Variants in MYOM1 observed in about 807,000 individuals in gnomAD.
The protein encoded by MYOM1 is myomesin-1.
In MYOM1, 164 loss-of-function variants were observed where a neutral mutation model predicts 205.3. The observed-to-expected ratio is 0.80, with a 90% confidence interval of 0.70 to 0.91. The LOEUF (loss-of-function observed/expected upper bound fraction) is 0.91, where lower values mean the gene tolerates loss of function less well. MYOM1 is among the 40% of genes least tolerant of loss of function. MYOM1 has a pLI of 0.00. For missense variants in MYOM1, 2,011 were observed against 2,127.3 expected (o/e 0.95, Z 1.08); for synonymous variants, 772 against 789.4 (o/e 0.98, Z 0.37).
rs2080241479 is a variant in MYOM1 at position 3,152,877 on chromosome 18, T to C, written c.1644-984A>G. Among the ~76,000 whole-genome samples, 1 of 152,148 alleles carries C rather than the reference T, an allele frequency of 6.6e-6. No homozygotes were observed. Among genetic ancestry groups the C allele is most frequent in the Admixed American group, 6.5e-5 (1 of 15,280 alleles). On this transcript the variant is annotated intron_variant, in intron 11 of 37. Coordinates refer to ENST00000356443, the MANE Select transcript of MYOM1 (RefSeq NM_003803.4). This position sits in a 1 kb window ranked among gnomAD's most constrained non-coding sequence, Gnocchi z 4.3. ...ACCTTCCTCTCTTTGATATGGACAA[T>C]AGACAATTTCCTTATGTAAAGTGGA...
chr18:3,219,404 T>C lies in MYOM1; in HGVS notation c.-29+399A>G, dbSNP rs865831888. Among the ~76,000 whole-genome samples the C allele has an allele frequency of 3.6e-4, 55 of 152,198 alleles. No homozygotes were observed. Among genetic ancestry groups the C allele is most frequent in the African/African-American group, 1.3e-3 (52 of 41,450 alleles). On this transcript the variant is annotated intron_variant, in intron 1 of 37. Transcript: ENST00000356443. This position sits in a 1 kb window ranked among gnomAD's most constrained non-coding sequence, Gnocchi z 4.4. ...GTTAATTTTCCTTCTTTCGGTCTAA[T>C]TTGTAACCAGGGAGCATTGTATGGC...
chr18:3,185,534 A>AT (rs954943509), intron 5 of MYOM1, among the ~76,000 whole-genome samples: 19 of 150,556 alleles, frequency 1.3e-4, no homozygotes, highest in South Asian at 1.1e-3. Flanking sequence ...AAAGTTTGGA[A>AT]TTTTTTTTTT....
chr18:3,214,714 T>C (rs1567972245), intron 2 of MYOM1, among the ~76,000 whole-genome samples: 1 of 151,960 alleles, frequency 6.6e-6, no homozygotes, highest in Non-Finnish European at 1.5e-5. Flanking sequence ...TCCCAGCTAC[T>C]CGGGAGGCGG....
intron 5 of MYOM1, among the ~76,000 whole-genome samples, chr18:3,183,857 C>A (rs1174181325): frequency 6.6e-6 from 1 of 152,010 alleles, no homozygotes; most frequent in Middle Eastern, 3.4e-3. Context: ...ATGCTCTGTA[C>A]CAGTGGTGCA....
intron 4 of MYOM1, 48 bp downstream of exon 4, chr18:3,188,700 G>A: frequency 1.4e-6 from 2 of 1,436,852 alleles, no homozygotes; most frequent in Non-Finnish European, 9.3e-7. Flanking sequence ...CACCCCTTAT[G>A]ACATGCATTT....
chr18:3,210,199 G>A (rs1243119033), intron 2 of MYOM1, among the ~76,000 whole-genome samples: 1 of 152,216 alleles, frequency 6.6e-6, no homozygotes, highest in East Asian at 1.9e-4. Flanking sequence ...CATTTTGAAA[G>A]GATATTGGGG....
chr18:3,172,090 A>C (rs2080565956), intron 8 of MYOM1, among the ~76,000 whole-genome samples: 1 of 152,230 alleles, frequency 6.6e-6, no homozygotes, highest in African/African-American at 2.4e-5. Context: ...TGTATAAAAA[A>C]GTCTTAGTAC....
At chr18:3,181,858 T>C (rs930219979) in intron 5 of MYOM1, among the ~76,000 whole-genome samples, 19 of 151,152 alleles carry the variant, frequency 1.3e-4, no homozygotes, top group Admixed American at 1.2e-3. Flanking sequence ...CTCAGCCTCC[T>C]GTGTAGCTGG....
intron 22 of MYOM1, 117 bp downstream of exon 22, chr18:3,112,181 T>C (rs1400380300): frequency 2.9e-5 from 22 of 761,334 alleles, no homozygotes; most frequent in Non-Finnish European, 4.3e-5. Context: ...TTATCAATTA[T>C]ATTCAGATAG....
chr18:3,089,294 T>A, intron 28 of MYOM1, 53 bp from the exon 29 acceptor site: 1 of 1,409,770 alleles, frequency 7.1e-7, no homozygotes, highest in Non-Finnish European at 1.0e-6. Context: ...AAATGCAAAA[T>A]CAAAGCTCAC....
chr18:3,158,789 T>G (rs1598732178), intron 10 of MYOM1, among the ~76,000 whole-genome samples: 2 of 152,076 alleles, frequency 1.3e-5, no homozygotes, highest in African/African-American at 4.8e-5. Context: ...AATTTTTTTA[T>G]TTTTTGTAGA....
the MYOM1 span, among the ~76,000 whole-genome samples, chr18:3,243,833 G>A: frequency 6.6e-6 from 1 of 152,054 alleles, no homozygotes; most frequent in Non-Finnish European, 1.5e-5. Flanking sequence ...TATTAGAAAT[G>A]TTTATATAGA....
chr18:3,139,240 G>A lies in MYOM1; in HGVS notation c.2025+2699C>T, dbSNP rs117487967. Among the ~76,000 whole-genome samples, 92 of 152,312 alleles carry A rather than the reference G, an allele frequency of 6.0e-4. 1 individual carries two copies. The East Asian group carries it at 0.015, about 25-fold the overall frequency. ...AACAGTGCAAATCTTGGCTATGTTC[G>A]TTCCTGCTGTTAACGAGTGATACAG... On this transcript the variant is annotated intron_variant, in intron 14 of 37. Coordinates refer to ENST00000356443, the MANE Select transcript of MYOM1 (RefSeq NM_003803.4).
At chr18:3,236,725 TA>T in the MYOM1 span, among the ~76,000 whole-genome samples, 1 of 152,162 alleles carries the variant, frequency 6.6e-6, no homozygotes, top group Non-Finnish European at 1.5e-5. Flanking sequence ...AGGTCTTGGC[TA>T]GAGATACACA....
At chr18:3,139,755 C>T (rs777384824) in intron 14 of MYOM1, among the ~76,000 whole-genome samples, 17 of 152,138 alleles carry the variant, frequency 1.1e-4, no homozygotes, top group African/African-American at 3.4e-4. Context: ...TGTTCATAAA[C>T]GTCCCCTTCT....
chr18:3,224,318 G>A (rs570998789), upstream of MYOM1, among the ~76,000 whole-genome samples: 20 of 152,268 alleles, frequency 1.3e-4, no homozygotes, highest in South Asian at 8.3e-4. Context: ...TACTGCACCC[G>A]ACATAAAATT....
chr18:3,202,917 A>C (rs1567966675), intron 2 of MYOM1, among the ~76,000 whole-genome samples: 1 of 152,000 alleles, frequency 6.6e-6, no homozygotes, highest in Non-Finnish European at 1.5e-5. Context: ...AATCTCAATC[A>C]ATTTAAAAGA....
chr18:3,144,533 A>G (rs915000140), intron 13 of MYOM1, among the ~76,000 whole-genome samples: 3 of 152,166 alleles, frequency 2.0e-5, no homozygotes, highest in African/African-American at 7.2e-5. Context: ...AAAGGCAAAG[A>G]TTACCAATTT....
chr18:3,158,910 A>G (rs568172577), intron 10 of MYOM1, among the ~76,000 whole-genome samples: 44 of 152,328 alleles, frequency 2.9e-4, no homozygotes, highest in African/African-American at 1.0e-3. Flanking sequence ...CACTGTGCCC[A>G]GCCTCATTTC....
Sources: allele counts gnomAD v4.1 joint callset (sites outside exome capture counted in the v4.1 genomes callset), GRCh38; gene constraint gnomAD v4.1.1; non-coding constraint Gnocchi (gnomAD v3.1); transcripts MANE v1.5; gene names NCBI Gene and HGNC (gene_info 2026-07-23, HGNC 2026-07-21).